Variants in TRPM3 observed in about 807,000 individuals in gnomAD.
The protein encoded by TRPM3 is long transient receptor potential channel 3.
TRPM3 carries 77 observed loss-of-function variants against 181.2 expected under a neutral mutation model. The observed-to-expected ratio is 0.42, with a 90% CI of 0.35 to 0.51. The LOEUF (loss-of-function observed/expected upper bound fraction) is 0.51. TRPM3 is among the 20% of genes least tolerant of loss of function. The pLI, the probability that TRPM3 is intolerant of heterozygous loss-of-function variation, is 0.01. For synonymous variants in TRPM3, 745 were observed against 796.4 expected (o/e 0.94, Z 1.09); for missense variants, 1,759 against 2,196.7 (o/e 0.80, Z 3.98).
intron 1 of TRPM3, among the ~76,000 whole-genome samples, chr9:70,945,510 G>A (rs1284760848): frequency 6.6e-6 from 1 of 152,112 alleles, no homozygotes; most frequent in Admixed American, 6.6e-5. Context: ...ATGTAATCAT[G>A]TTCATGTAAA....
chr9:71,386,322 G>A (rs567468601), intron 1 of TRPM3, among the ~76,000 whole-genome samples: 5 of 151,916 alleles, frequency 3.3e-5, no homozygotes, highest in South Asian at 2.1e-4. Flanking sequence ...GGCGGTGCAC[G>A]CGTGTAGTCC....
intron 6 of TRPM3, among the ~76,000 whole-genome samples, chr9:70,818,131 T>A (rs1261894554): frequency 6.6e-6 from 1 of 152,208 alleles, no homozygotes; most frequent in Non-Finnish European, 1.5e-5. Context: ...TGACAAATTG[T>A]CTTCATCATT....
intron 1 of TRPM3, among the ~76,000 whole-genome samples, chr9:71,305,808 G>A (rs1469288891): frequency 6.6e-6 from 1 of 151,954 alleles, no homozygotes; most frequent in African/African-American, 2.4e-5. Context: ...TTAGATCACG[G>A]TGCCTGTTCT....
At chr9:70,596,712 CAAAA>C (rs33932883) in intron 21 of TRPM3, among the ~76,000 whole-genome samples, 2 of 132,124 alleles carry the variant, frequency 1.5e-5, no homozygotes, top group African/African-American at 2.8e-5. Flanking sequence ...AAAACACTGT[CAAAA>C]AAAAAAAAAA....
rs556822529 is a variant in TRPM3 at position 71,364,785 on chromosome 9, C to T, written c.183+81868G>A. Among the ~76,000 whole-genome samples the T allele has an allele frequency of 2.6e-5, 4 of 152,286 alleles. No homozygotes were observed. The South Asian group carries it at 8.3e-4, about 32-fold the overall frequency. ...TGACCCAGGGCACTGAAAGTAATGA[C>T]AGAGAAGTCTACAATTAAGCAAACC... On this transcript the variant is annotated intron_variant, in intron 1 of 24. Coordinates refer to the TRPM3 transcript ENST00000357533.
rs543646661 is a variant in TRPM3, at chr9:71,400,648, G to A, written c.183+46005C>T. On this transcript the variant is annotated intron_variant, in intron 1 of 24. Coordinates refer to the TRPM3 transcript ENST00000357533. ...ATTAAATTTTTTGAAATTATTTATT[G>A]CTAATACTTAAAACCAAGGACCTGC... 4.0e-3 allele frequency among the ~76,000 whole-genome samples: 603 copies of A among 151,874 alleles called. 3 individuals are homozygous for A. Among genetic ancestry groups the A allele is most frequent in the African/African-American group, 0.014 (571 of 41,424 alleles).
intron 22 of TRPM3, among the ~76,000 whole-genome samples, chr9:70,578,298 CAAAAAAAAA>C (rs56376771): frequency 8.6e-6 from 1 of 116,416 alleles, no homozygotes; most frequent in East Asian, 2.5e-4. Context: ...CTTTTGTATC[CAAAAAAAAA>C]AAAAAAAAAA....
At chr9:71,381,127 AC>A (rs137895938) in intron 1 of TRPM3, among the ~76,000 whole-genome samples, 2,817 of 152,248 alleles carry the variant, frequency 0.019, 28 homozygotes, top group Middle Eastern at 0.065. Flanking sequence ...ATGCAATGAT[AC>A]CAAACAACCT....
intron 9 of TRPM3, among the ~76,000 whole-genome samples, chr9:70,668,874 A>G (rs993982411): frequency 1.3e-5 from 2 of 152,226 alleles, no homozygotes; most frequent in Non-Finnish European, 2.9e-5. Context: ...GCAGCAACTG[A>G]TTTAATGAAT....
chr9:71,401,582 A>G (rs2093342131), intron 1 of TRPM3, among the ~76,000 whole-genome samples: 1 of 152,242 alleles, frequency 6.6e-6, no homozygotes, highest in Non-Finnish European at 1.5e-5. Context: ...GATGAGGTAG[A>G]TGTCAAGAAT....
chr9:70,837,040 T>G (rs1204691281), intron 5 of TRPM3, among the ~76,000 whole-genome samples: 1 of 152,226 alleles, frequency 6.6e-6, no homozygotes, highest in Non-Finnish European at 1.5e-5. Flanking sequence ...GCATTGGCTC[T>G]GTCTGGTATA....
intron 1 of TRPM3, among the ~76,000 whole-genome samples, chr9:71,056,125 CACA>C (rs966228556): frequency 3.3e-5 from 5 of 152,056 alleles, no homozygotes; most frequent in African/African-American, 1.2e-4. Flanking sequence ...GAGCATGATT[CACA>C]ACAAGTTTAA....
At chr9:70,741,030 C>G (rs1176426903) in intron 8 of TRPM3, among the ~76,000 whole-genome samples, 3 of 152,128 alleles carry the variant, frequency 2.0e-5, no homozygotes, top group Admixed American at 6.5e-5. Flanking sequence ...ACAACCCACA[C>G]AGTGGGAGAA....
At chr9:70,674,758 G>T (rs1379042277) in intron 9 of TRPM3, among the ~76,000 whole-genome samples, 1 of 126,116 alleles carries the variant, frequency 7.9e-6, no homozygotes, top group Non-Finnish European at 1.6e-5. Flanking sequence ...TAGAGACAAG[G>T]TCTCACAATG....
At chr9:71,082,016 G>T (rs888455181) in intron 1 of TRPM3, among the ~76,000 whole-genome samples, 2 of 152,076 alleles carry the variant, frequency 1.3e-5, no homozygotes, top group Admixed American at 6.6e-5. Flanking sequence ...CAACCTCAAT[G>T]TTTTTAAACA....
At position 70,646,891 on chromosome 9, in the gene TRPM3, A is replaced by AC. The variant is rs1554800432; in HGVS notation, c.1346-6232dup. Among the ~76,000 whole-genome samples, 196 of 151,132 alleles carry AC rather than the reference A, an allele frequency of 1.3e-3. 2 individuals carry two copies. Among genetic ancestry groups the AC allele is most frequent in the Non-Finnish European group, 1.5e-3 (102 of 67,742 alleles). Reference sequence around the variant, plus strand: ...ATGGAAGTACAAAAAAAAAAAAAAAACCCTCAGAGTCTATTAGGGACACCT... The same window carrying AC: ...ATGGAAGTACAAAAAAAAAAAAAAAACCCCTCAGAGTCTATTAGGGACACCT... On this transcript the variant is annotated intron_variant, in intron 9 of 25. Transcript: ENST00000677713.
intron 1 of TRPM3, among the ~76,000 whole-genome samples, chr9:71,360,525 T>A (rs928125319): frequency 5.9e-5 from 9 of 152,294 alleles, no homozygotes; most frequent in African/African-American, 2.2e-4. Context: ...CAAAGATGCA[T>A]TTGATTTCTA....
At chr9:71,012,803 T>C (rs1239967791) in intron 1 of TRPM3, among the ~76,000 whole-genome samples, 3 of 152,228 alleles carry the variant, frequency 2.0e-5, no homozygotes, top group Non-Finnish European at 2.9e-5. Flanking sequence ...ATTGAGTCTC[T>C]AAGATTTTTT....
rs1227855652 is a variant in TRPM3 at position 70,788,173 on chromosome 9, C to T, written c.974-3894G>A. On this transcript the variant is annotated intron_variant, in intron 6 of 25. Transcript: ENST00000677713. ...GCTATCCCTCCCCCCTCCCCCCACC[C>T]CACCACAGTCCCCAGAGTGTGATGT... 3.4e-5 allele frequency among the ~76,000 whole-genome samples: 4 copies of T among 118,274 alleles called. No homozygotes were observed. The East Asian group carries it at 1.2e-3, about 35-fold the overall frequency. 77.6% of individuals were successfully genotyped at this position (118,274 alleles called of 152,430 possible).
Sources: gnomAD v4.1 joint callset for allele counts (sites outside exome capture counted in the v4.1 genomes callset) on GRCh38, gnomAD v4.1.1 for gene constraint, MANE v1.5 for transcripts, NCBI Gene and HGNC (gene_info 2026-07-23, HGNC 2026-07-21) for gene names.